ATAD2: variants seen among roughly 807,000 people sequenced by gnomAD.
ATAD2 encodes ATPase family AAA domain containing 2.
A neutral mutation model predicts 168.9 loss-of-function variants in ATAD2; 62 were observed. The observed-to-expected ratio is 0.37, with a 90% CI of 0.30 to 0.45. The LOEUF is 0.45. Ranked by LOEUF, ATAD2 falls within the 20% of genes least tolerant of loss-of-function variation. ATAD2 has a pLI of 1.00. For synonymous variants in ATAD2, 613 were observed against 571.6 expected (o/e 1.07, Z -1.03); for missense variants, 1,419 against 1,667.8 (o/e 0.85, Z 2.60).
intron 1 of ATAD2, among the ~76,000 whole-genome samples, chr8:123,390,933 T>C (rs994177825): frequency 6.6e-6 from 1 of 152,104 alleles, no homozygotes; most frequent in African/African-American, 2.4e-5. Context: ...GGCAGGAGAA[T>C]TGCTTGAATC....
intron 27 of ATAD2, 117 bp from the exon 28 acceptor site, chr8:123,321,292 G>A (rs1461481983): frequency 5.7e-6 from 5 of 881,400 alleles, no homozygotes; most frequent in Middle Eastern, 3.2e-4. Flanking sequence ...GTATATATTT[G>A]ATAGTGAAAA....
At chr8:123,346,042 T>C in intron 18 of ATAD2, 44 bp downstream of exon 18, 1 of 1,372,554 alleles carries the variant, frequency 7.3e-7, no homozygotes. Flanking sequence ...AGCTTTTGCC[T>C]CTGAAAGCCT....
intron 1 of ATAD2, among the ~76,000 whole-genome samples, chr8:123,414,582 C>T (rs1018498019): frequency 2.6e-5 from 4 of 152,194 alleles, no homozygotes; most frequent in South Asian, 4.1e-4. Context: ...TATGATTGCA[C>T]CACTGCACTC....
upstream of ATAD2, among the ~76,000 whole-genome samples, chr8:123,399,223 C>CTGCACTCCA (rs759224703): frequency 1.8e-3 from 265 of 150,522 alleles, 3 homozygotes; most frequent in East Asian, 3.8e-3. Flanking sequence ...GATGGCACCA[C>CTGCACTCCA]TGCACTCCAA....
At chr8:123,326,160 T>A in intron 25 of ATAD2, 134 bp from the exon 26 acceptor site, 1 of 925,314 alleles carries the variant, frequency 1.1e-6, no homozygotes, top group South Asian at 1.8e-5. Flanking sequence ...TATTAACTCA[T>A]TCTGTTATAA....
rs921013597 is a variant in ATAD2 at position 123,356,424 on chromosome 8, A to G, written c.1611T>C (p.Ala537=). The G allele has an allele frequency of 1.9e-6, 3 of 1,612,294 alleles. No homozygotes were observed. Among genetic ancestry groups the G allele is most frequent in the Non-Finnish European group, 2.5e-6 (3 of 1,179,024 alleles). ...GATCTTGCCTGCTTGACCGTACTGGAGCCAGACCATCAATTTCGTCAAAAA... is the reference window on the plus strand; with the variant it reads ...GATCTTGCCTGCTTGACCGTACTGGGGCCAGACCATCAATTTCGTCAAAAA... ...IIFFDEIDGL[A]PVRSSRQDQI... is the part of the protein sequence containing the mutation. The change falls in exon 13 of 28, where the codon GCT becomes GCC. Residue 537 remains alanine (A), a synonymous_variant. Transcript: ENST00000287394.
chr8:123,344,842 ACT>A, intron 19 of ATAD2, 40 bp downstream of exon 19: 4 of 1,581,992 alleles, frequency 2.5e-6, no homozygotes, highest in Non-Finnish European at 3.5e-6. Context: ...GGTAGAAACA[ACT>A]CTTTTTGAAA....
chr8:123,343,841 G>T (rs1381447077), intron 19 of ATAD2, among the ~76,000 whole-genome samples: 1 of 152,080 alleles, frequency 6.6e-6, no homozygotes. Flanking sequence ...GAGAAACTCT[G>T]ATCAAAGAAG....
Position 123,396,400 on chromosome 8 carries a change from T to G in ATAD2, c.-43A>C, listed in dbSNP as rs1563868725. The G allele has an allele frequency of 2.7e-6, 4 of 1,505,296 alleles. No individual in the cohort carries two copies. The Admixed American group carries it at 6.3e-5, about 24-fold the overall frequency. 93.2% of individuals were successfully genotyped at this position (1,505,296 alleles called of 1,614,324 possible). ...CTCGGCGTGCGCGACCGGAGAGAGA[T>G]CCAGCTCCAGGCGCTCGCAGCTCTG... On this transcript the variant is annotated 5_prime_UTR_variant, in exon 1 of 28. Transcript: ENST00000287394.
At chr8:123,395,370 G>A (rs1451286071) in intron 1 of ATAD2, among the ~76,000 whole-genome samples, 3 of 152,110 alleles carry the variant, frequency 2.0e-5, no homozygotes, top group East Asian at 3.8e-4. Flanking sequence ...TGCAAAAACC[G>A]TCACTGCACT....
At chr8:123,389,711 C>G (rs895685946) in intron 1 of ATAD2, among the ~76,000 whole-genome samples, 3 of 151,404 alleles carry the variant, frequency 2.0e-5, no homozygotes, top group African/African-American at 7.3e-5. Context: ...GTCTTCCCTC[C>G]CTGTGTTCAA....
chr8:123,381,907 C>G (rs1376450506), intron 1 of ATAD2, among the ~76,000 whole-genome samples: 1 of 151,884 alleles, frequency 6.6e-6, no homozygotes, highest in East Asian at 1.9e-4. Context: ...TGAGCTGGGC[C>G]TGGTGGTGCG....
At chr8:123,397,897 G>A (rs577981661), upstream of ATAD2, among the ~76,000 whole-genome samples, 1 of 152,260 alleles carries the variant, frequency 6.6e-6, no homozygotes, top group African/African-American at 2.4e-5. Context: ...GATGGTTCTG[G>A]AAGAAGAGAG....
Position 123,369,064 on chromosome 8 carries a change from A to G in ATAD2, c.1043T>C (p.Met348Thr). 1 of 1,570,182 alleles carries G rather than the reference A, an allele frequency of 6.4e-7. No individual in the cohort carries two copies. Among genetic ancestry groups the G allele is most frequent in the Non-Finnish European group, 8.7e-7 (1 of 1,146,910 alleles). ...CACTATATCAGAACCAAACCTGTTC[A>G]TTCGTTTACAGTAAGGACTTCTTGG... ...AGPRSPYCKR[M>T]NRRRHAIHSS... Residue 348 changes from methionine to threonine, a missense_variant, in exon 8 of 28, where the codon ATG (methionine) becomes ACG (threonine). This residue lies in a region of ATAD2 where 146 missense variants were observed against 188.3 expected (regional missense o/e 0.78). Coordinates refer to ENST00000287394, the MANE Select transcript of ATAD2 (RefSeq NM_014109.4).
At chr8:123,375,289 CATT>C (rs67748651) in intron 2 of ATAD2, among the ~76,000 whole-genome samples, 2,130 of 152,278 alleles carry the variant, frequency 0.014, 30 homozygotes, top group Middle Eastern at 0.02. Flanking sequence ...TGATGCTCAA[CATT>C]ATTAGCCATC....
intron 1 of ATAD2, among the ~76,000 whole-genome samples, chr8:123,405,707 T>C (rs1019044872): frequency 6.6e-6 from 1 of 152,270 alleles, no homozygotes; most frequent in Admixed American, 6.5e-5. Flanking sequence ...CTTAGTGATC[T>C]TTCCCTGTGA....
At position 123,337,514 on chromosome 8, in the gene ATAD2, T is replaced by C. The variant is rs1018717471; in HGVS notation, c.3051+111A>G. 8 of 1,006,634 alleles carry C rather than the reference T, an allele frequency of 7.9e-6. 1 individual carries two copies. Among genetic ancestry groups the C allele is most frequent in the South Asian group, 6.4e-5 (3 of 46,524 alleles). The allele number at this position is 1,006,634 out of a possible 1,614,324, so 62.4% of individuals were successfully genotyped here. ...CACTAACCCGGTACATGTTTCCAAATAGATAAAACTAGTTAAGAGTGTAGG... is the reference window on the plus strand; with the variant it reads ...CACTAACCCGGTACATGTTTCCAAACAGATAAAACTAGTTAAGAGTGTAGG... On this transcript the variant is annotated intron_variant, in intron 21 of 27. Transcript: ENST00000287394.
chr8:123,398,834 C>T (rs1812960759), upstream of ATAD2, among the ~76,000 whole-genome samples: 1 of 152,136 alleles, frequency 6.6e-6, no homozygotes, highest in African/African-American at 2.4e-5. Flanking sequence ...CATGAATATG[C>T]TTCACTTTTA....
At chr8:123,388,995 C>T (rs574367733) in intron 1 of ATAD2, among the ~76,000 whole-genome samples, 85 of 149,746 alleles carry the variant, frequency 5.7e-4, no homozygotes, top group African/African-American at 2.0e-3. Flanking sequence ...GACACAGAGT[C>T]TCGCCCTGTC....
Sources: gnomAD v4.1 joint callset for allele counts (sites outside exome capture counted in the v4.1 genomes callset) on GRCh38, gnomAD v4.1.1 for gene constraint, gnomAD v4.1.1 regional missense constraint, MANE v1.5 for transcripts, NCBI Gene and HGNC (gene_info 2026-07-23, HGNC 2026-07-21) for gene names.